GORASP2: variants seen among roughly 807,000 people sequenced by gnomAD.
GORASP2 encodes Golgi reassembly-stacking protein 2.
GORASP2 carries 22 observed loss-of-function variants against 45.7 expected under a neutral mutation model. The observed-to-expected ratio is 0.48, with a 90% CI of 0.34 to 0.69. The LOEUF (loss-of-function observed/expected upper bound fraction) is 0.69, where lower values mean the gene tolerates loss of function less well. Among genes scored for constraint, GORASP2 ranks in the 30% least tolerant of loss-of-function variants. GORASP2 has a pLI of 0.01. For missense variants in GORASP2, 491 were observed against 562.7 expected, an observed-to-expected ratio of 0.87 and a Z score of 1.29; for synonymous variants, 221 against 215.6, an observed-to-expected ratio of 1.02 and a Z score of -0.22.
intron 1 of GORASP2, among the ~76,000 whole-genome samples, chr2:170,946,340 G>T (rs1288384643): frequency 6.6e-6 from 1 of 151,952 alleles, no homozygotes. Flanking sequence ...ATATCAAGCA[G>T]AATAAAAATT....
At chr2:170,963,891 T>A (rs1390021862) in intron 9 of GORASP2, among the ~76,000 whole-genome samples, 1 of 152,164 alleles carries the variant, frequency 6.6e-6, no homozygotes, top group East Asian at 1.9e-4. Context: ...GCAATCTTCC[T>A]GCTTTGGCCT....
chr2:170,948,548 T>C, intron 2 of GORASP2, 118 bp downstream of exon 2: 1 of 601,966 alleles, frequency 1.7e-6, no homozygotes, highest in Non-Finnish European at 2.9e-6. Flanking sequence ...AGTATGCCAA[T>C]TTATAGAAAT....
At chr2:170,958,729 A>G (rs1262679468) in intron 7 of GORASP2, among the ~76,000 whole-genome samples, 2 of 142,282 alleles carry the variant, frequency 1.4e-5, no homozygotes, top group African/African-American at 2.7e-5. Context: ...CAGTGGCACT[A>G]TCTCTGCCCA....
Position 170,950,246 on chromosome 2 carries a change from C to A in GORASP2, c.391C>A (p.Pro131Thr). 7 of 1,583,272 alleles carry A rather than the reference C, an allele frequency of 4.4e-6. No homozygotes were observed. Among genetic ancestry groups the A allele is most frequent in the Non-Finnish European group, 6.0e-6 (7 of 1,160,546 alleles). The change falls in exon 4 of 10, where the codon CCA (proline) becomes ACA (threonine). Residue 131 changes from proline to threonine, a missense_variant. Coordinates refer to ENST00000234160, the MANE Select transcript of GORASP2 (RefSeq NM_015530.5). ...TCCTGCAGCACTGGCAGGTCTTAGA[C>A]CACACAGTGATTATATAATTGGAGC... is the stretch of plus-strand genomic sequence containing the variant. ...NSPAALAGLR[P>T]HSDYIIGADT...
intron 1 of GORASP2, among the ~76,000 whole-genome samples, chr2:170,944,795 A>G (rs1704148433): frequency 6.6e-6 from 1 of 152,204 alleles, no homozygotes; most frequent in Non-Finnish European, 1.5e-5. Flanking sequence ...GACCTAGTTG[A>G]GTTCTAGATA....
chr2:170,965,103 C>T (rs934287831), intron 9 of GORASP2, among the ~76,000 whole-genome samples: 4 of 151,304 alleles, frequency 2.6e-5, no homozygotes, highest in East Asian at 1.9e-4. Flanking sequence ...TTAGTAGAGA[C>T]GAGGTTTTGC....
At chr2:170,961,595 T>C in intron 7 of GORASP2, 68 bp from the exon 8 acceptor site, 1 of 865,956 alleles carries the variant, frequency 1.2e-6, no homozygotes, top group Non-Finnish European at 2.0e-6. Flanking sequence ...CAGATTGTCC[T>C]AATGTGTTCT....
intron 1 of GORASP2, among the ~76,000 whole-genome samples, chr2:170,938,565 TGAAA>T (rs1384868016): frequency 7.2e-5 from 11 of 152,264 alleles, no homozygotes; most frequent in Admixed American, 2.6e-4. Context: ...TTAAAATGGC[TGAAA>T]GAGTCTATGC....
In GORASP2 at chr2:170,948,342, T is replaced by G; in HGVS notation, c.64-8T>G. 1.3e-6 allele frequency: 2 copies of G among 1,546,520 alleles called. No individual in the cohort carries two copies. The highest frequency in any genetic ancestry group is 1.8e-6 in the Non-Finnish European group (2 of 1,125,258). On this transcript the variant is annotated splice_region_variant and splice_polypyrimidine_tract_variant and intron_variant, in intron 1 of 9. Transcript: ENST00000234160. ...CATTTTTTATTTTTGTCGTTTTTGT[T>G]TCCGCAGGTACAAGAAAATTCCCCA...
At chr2:170,943,653 A>G (rs1004705543) in intron 1 of GORASP2, among the ~76,000 whole-genome samples, 3 of 152,186 alleles carry the variant, frequency 2.0e-5, no homozygotes, top group African/African-American at 4.8e-5. Context: ...TTTTCACTGT[A>G]TATAATCTTT....
chr2:170,939,844 CT>C (rs761985163), intron 1 of GORASP2, among the ~76,000 whole-genome samples: 104 of 152,300 alleles, frequency 6.8e-4, no homozygotes, highest in Non-Finnish European at 1.4e-3. Context: ...ATTCCCAGAT[CT>C]TTTCCCATCA....
intron 4 of GORASP2, among the ~76,000 whole-genome samples, chr2:170,950,631 A>G (rs1704279679): frequency 6.6e-6 from 1 of 152,190 alleles, no homozygotes; most frequent in African/African-American, 2.4e-5. Context: ...TAGCTCAGCT[A>G]TATTACATCC....
chr2:170,929,487 C>T (rs1703760864), intron 1 of GORASP2, 84 bp downstream of exon 1: 2 of 1,080,158 alleles, frequency 1.9e-6, no homozygotes, highest in Non-Finnish European at 2.5e-6. Flanking sequence ...TGGGCTCCTT[C>T]ACGGGGCAGC....
chr2:170,947,344 T>C (rs1704198782), intron 1 of GORASP2, among the ~76,000 whole-genome samples: 1 of 152,236 alleles, frequency 6.6e-6, no homozygotes, highest in Non-Finnish European at 1.5e-5. Context: ...TTCAGACTCC[T>C]GCTTCGGGTG....
At chr2:170,947,861 C>A (rs1026405592) in intron 1 of GORASP2, among the ~76,000 whole-genome samples, 17 of 152,176 alleles carry the variant, frequency 1.1e-4, no homozygotes, top group African/African-American at 3.9e-4. Flanking sequence ...TGGCTCACAC[C>A]TGTAATCCCA....
At chr2:170,955,363 A>G (rs893650124) in intron 6 of GORASP2, among the ~76,000 whole-genome samples, 1 of 152,186 alleles carries the variant, frequency 6.6e-6, no homozygotes, top group South Asian at 2.1e-4. Context: ...AAGGAGAGCT[A>G]TGTGTGTGGG....
chr2:170,929,177 G>T (rs903013035), upstream of GORASP2: 9 of 480,702 alleles, frequency 1.9e-5, no homozygotes, highest in South Asian at 4.8e-4. Context: ...CGTCGCAGCG[G>T]CCCGGGCTGC....
upstream of GORASP2, chr2:170,929,018 G>A (rs1214054132): frequency 7.0e-6 from 2 of 287,098 alleles, no homozygotes; most frequent in Non-Finnish European, 1.3e-5. Flanking sequence ...CCGTAGCAAG[G>A]CGCCAAAGCT....
intron 1 of GORASP2, chr2:170,936,543 G>T (rs1270629023): frequency 7.4e-6 from 6 of 809,990 alleles, no homozygotes; most frequent in Non-Finnish European, 1.1e-5. Context: ...TTGAGAGACT[G>T]TACATTTCCC....
Sources: gnomAD v4.1 joint callset for allele counts (sites outside exome capture counted in the v4.1 genomes callset) on GRCh38, gnomAD v4.1.1 for gene constraint, MANE v1.5 for transcripts, NCBI Gene and HGNC (gene_info 2026-07-23, HGNC 2026-07-21) for gene names.